Variants in UNC13A observed in about 807,000 individuals in gnomAD.
UNC13A encodes protein unc-13 homolog A.
In UNC13A, 61 loss-of-function variants were observed where a neutral mutation model predicts 219.7. The observed-to-expected ratio is 0.28, with a 90% CI of 0.23 to 0.34. The LOEUF (loss-of-function observed/expected upper bound fraction) is 0.34. Among genes scored for constraint, UNC13A ranks in the 10% least tolerant of loss-of-function variants. The pLI is 1.00. For synonymous variants in UNC13A, 920 were observed against 884.6 expected (o/e 1.04, Z -0.71); for missense variants, 1,476 against 2,270.3 (o/e 0.65, Z 7.11).
chr19:17,655,741 C>G, intron 10 of UNC13A, 142 bp downstream of exon 10: 4 of 1,419,874 alleles, frequency 2.8e-6, no homozygotes, highest in Non-Finnish European at 3.7e-6. Flanking sequence ...TGCCCTGTCA[C>G]CTCTGATCCC....
intron 3 of UNC13A, among the ~76,000 whole-genome samples, chr19:17,673,423 T>C (rs2079831752): frequency 6.6e-6 from 1 of 150,956 alleles, no homozygotes; most frequent in South Asian, 2.1e-4. Flanking sequence ...TGGTGGCTCC[T>C]GGCTCATGCC....
At chr19:17,639,397 C>A (rs1293514772) in intron 24 of UNC13A, 39 bp downstream of exon 24, 1 of 1,595,876 alleles carries the variant, frequency 6.3e-7, no homozygotes. Context: ...TCCTAGAGAA[C>A]CCTCCTTGGA....
At chr19:17,643,339 A>AT (rs928633683) in intron 19 of UNC13A, among the ~76,000 whole-genome samples, 46 of 148,480 alleles carry the variant, frequency 3.1e-4, no homozygotes, top group Middle Eastern at 3.5e-3. Context: ...TTTTTATTTT[A>AT]TTTTTTTTTG....
chr19:17,620,358 G>T lies in UNC13A; in HGVS notation c.4272+335C>A, dbSNP rs1336369037. On this transcript the variant is annotated intron_variant, in intron 38 of 43. Coordinates refer to ENST00000519716, the MANE Select transcript of UNC13A (RefSeq NM_001080421.3). Reference sequence around the variant, plus strand: ...TAGAGGTATTACTATTATCATCTTGGCTGTTACTATTCTTATTTCTTGTCT... The same window carrying T: ...TAGAGGTATTACTATTATCATCTTGTCTGTTACTATTCTTATTTCTTGTCT... 2.0e-5 allele frequency among the ~76,000 whole-genome samples: 3 copies of T among 152,182 alleles called. 1 individual carries two copies.
chr19:17,611,261 G>A (rs1240526637), intron 42 of UNC13A, among the ~76,000 whole-genome samples: 1 of 152,114 alleles, frequency 6.6e-6, no homozygotes, highest in South Asian at 2.1e-4. Context: ...TCAGCTCACT[G>A]CAAACTCCAC....
At chr19:17,636,234 A>G in intron 25 of UNC13A, 77 bp from the exon 26 acceptor site, 1 of 1,451,148 alleles carries the variant, frequency 6.9e-7, no homozygotes, top group Non-Finnish European at 9.3e-7. Context: ...CTGAAGAACA[A>G]GAGGTTTTAG....
intron 30 of UNC13A, 108 bp downstream of exon 30, chr19:17,630,037 A>T (rs1183303751): frequency 1.6e-6 from 2 of 1,274,922 alleles, no homozygotes; most frequent in African/African-American, 3.0e-5. Context: ...CCTCAATGAC[A>T]TCACCAACTC....
intron 1 of UNC13A, among the ~76,000 whole-genome samples, chr19:17,686,781 C>A (rs994444756): frequency 1.5e-5 from 2 of 130,236 alleles, no homozygotes; most frequent in Admixed American, 7.6e-5. Context: ...CGGCGGGGAG[C>A]GGGCGGGCGG....
chr19:17,652,598 C>G, intron 12 of UNC13A, 33 bp downstream of exon 12: 6 of 1,613,668 alleles, frequency 3.7e-6, no homozygotes, highest in Non-Finnish European at 4.2e-6. Context: ...GGGTTCAAAT[C>G]TTCCTCCCAC....
At chr19:17,625,590 C>T (rs1322500699) in intron 34 of UNC13A, among the ~76,000 whole-genome samples, 1 of 151,858 alleles carries the variant, frequency 6.6e-6, no homozygotes, top group Non-Finnish European at 1.5e-5. Context: ...CCCATCCATC[C>T]ACTTATCCAT....
intron 12 of UNC13A, among the ~76,000 whole-genome samples, chr19:17,650,280 G>A (rs535851255): frequency 5.2e-4 from 79 of 152,216 alleles, no homozygotes; most frequent in African/African-American, 1.6e-3. Context: ...TTGGGAGGCC[G>A]AGGCGGGCGG....
At chr19:17,645,592 C>G in intron 19 of UNC13A, 82 bp downstream of exon 19, 1 of 1,573,060 alleles carries the variant, frequency 6.4e-7, no homozygotes, top group Non-Finnish European at 8.7e-7. Context: ...GAGAACACAT[C>G]TCTCTGCTCT....
chr19:17,649,704 A>G lies in UNC13A; in HGVS notation c.1440-117T>C. 1 of 1,113,356 alleles carries G rather than the reference A, an allele frequency of 9.0e-7. No individual in the cohort carries two copies. The highest frequency in any genetic ancestry group is 1.3e-6 in the Non-Finnish European group (1 of 746,146). 69.0% of individuals were successfully genotyped at this position (1,113,356 alleles called of 1,614,324 possible). A position where few individuals can be genotyped will look rare whatever the true frequency, so the allele number is the denominator to read the frequency against. On this transcript the variant is annotated intron_variant, in intron 12 of 43. Coordinates refer to ENST00000519716, the MANE Select transcript of UNC13A (RefSeq NM_001080421.3). The surrounding 1 kb of genome is among the most constrained non-coding windows in gnomAD (Gnocchi z 4.4). The stretch of plus-strand genomic sequence containing the variant: ...GGGGTTGAATTGGGTCCCTCAAAAA[A>G]AAGATACGCTGATGCCCTAACCCCC...
intron 26 of UNC13A, 49 bp downstream of exon 26, chr19:17,635,975 A>C: frequency 6.3e-7 from 1 of 1,577,324 alleles, no homozygotes; most frequent in East Asian, 2.3e-5. Flanking sequence ...AGTTGTATAC[A>C]TACACACGAT....
chr19:17,674,678 C>G lies in UNC13A; in HGVS notation c.131G>C (p.Ser44Thr). Reference sequence around the variant, plus strand: ...TCACAACATGAAATCCTGCTCCCAGCTGGGCTGGCTGCCCCGCACCGCGAT... The same window carrying G: ...TCACAACATGAAATCCTGCTCCCAGGTGGGCTGGCTGCCCCGCACCGCGAT... The part of the protein sequence containing the change: ...TTIAVRGSQP[S>T]WEQDFMFEIN... The change falls in exon 3 of 44, where the codon AGC (serine) becomes ACC (threonine). Residue 44 changes from serine (S) to threonine (T), a missense_variant. Ser to Thr is a moderately conservative substitution (Grantham distance 58). This residue lies in a region of UNC13A where 203 missense variants were observed against 301.6 expected (regional missense o/e 0.67). Transcript: ENST00000519716. The surrounding 1 kb of genome is among the most constrained non-coding windows in gnomAD (Gnocchi z 5.0). 6.2e-7 allele frequency: 1 copy of G among 1,613,906 alleles called. No homozygotes were observed. The highest frequency in any genetic ancestry group is 8.5e-7 in the Non-Finnish European group (1 of 1,179,878).
chr19:17,640,475 C>T, intron 22 of UNC13A, 36 bp downstream of exon 22: 1 of 1,533,648 alleles, frequency 6.5e-7, no homozygotes. Flanking sequence ...AAGTTGGGCT[C>T]TCCCTAATTC....
chr19:17,639,368 T>C, intron 24 of UNC13A, 68 bp downstream of exon 24: 1 of 1,575,310 alleles, frequency 6.3e-7, no homozygotes, highest in South Asian at 1.2e-5. Flanking sequence ...GGAATGTCAC[T>C]TGTCCTGGGA....
At chr19:17,667,028 C>A (rs2079666677) in intron 6 of UNC13A, among the ~76,000 whole-genome samples, 1 of 151,900 alleles carries the variant, frequency 6.6e-6, no homozygotes. Flanking sequence ...CCGAAGCGGG[C>A]AGATCACGAG....
At chr19:17,614,606 G>A (rs1197811294) in intron 41 of UNC13A, among the ~76,000 whole-genome samples, 1 of 152,090 alleles carries the variant, frequency 6.6e-6, no homozygotes, top group Non-Finnish European at 1.5e-5. Context: ...AAAGTCAGAG[G>A]TGAGGGTGGG....
Sources: gnomAD v4.1 joint callset for allele counts (sites outside exome capture counted in the v4.1 genomes callset) on GRCh38, gnomAD v4.1.1 for gene constraint, gnomAD v4.1.1 regional missense constraint, Gnocchi (gnomAD v3.1) non-coding constraint, MANE v1.5 for transcripts, NCBI Gene and HGNC (gene_info 2026-07-23, HGNC 2026-07-21) for gene names.